ZRANB3: variants seen among roughly 807,000 people sequenced by gnomAD.
ZRANB3 encodes the protein DNA annealing helicase and endonuclease ZRANB3.
A neutral mutation model predicts 133.8 loss-of-function variants in ZRANB3; 125 were observed. The observed-to-expected ratio is 0.93, with a 90% CI of 0.81 to 1.08. ZRANB3 has a LOEUF of 1.08. Among genes scored for constraint, ZRANB3 ranks in the 50% least tolerant of loss-of-function variants. ZRANB3 has a pLI of 0.00. For missense variants in ZRANB3, 1,229 were observed against 1,275.5 expected, an observed-to-expected ratio of 0.96 and a Z score of 0.56; for synonymous variants, 387 against 432.7, an observed-to-expected ratio of 0.89 and a Z score of 1.31.
At chr2:135,374,565 A>G (rs1686333098) in intron 3 of ZRANB3, among the ~76,000 whole-genome samples, 1 of 148,508 alleles carries the variant, frequency 6.7e-6, no homozygotes, top group Non-Finnish European at 1.5e-5. Context: ...GCAATGGCGT[A>G]ATCATAGCTC....
In ZRANB3 at chr2:135,374,561, G is replaced by T. The variant is rs111918722; in HGVS notation, c.180+16241C>A. Among the ~76,000 whole-genome samples the T allele has an allele frequency of 1.0e-3, 155 of 150,984 alleles. 2 individuals are homozygous for T. Among genetic ancestry groups the T allele is most frequent in the African/African-American group, 3.7e-3 (150 of 41,068 alleles). On this transcript the variant is annotated intron_variant, in intron 3 of 20. Transcript: ENST00000264159. ...TTGTTGTCCAGGCTGGAGTGCAATG[G>T]CGTAATCATAGCTCACAGCAATCTC...
At chr2:135,359,754 T>C (rs900398649) in intron 3 of ZRANB3, among the ~76,000 whole-genome samples, 10 of 152,198 alleles carry the variant, frequency 6.6e-5, no homozygotes, top group Non-Finnish European at 1.0e-4. Context: ...TCTTTCCTGG[T>C]AAGAACCCCC....
intron 8 of ZRANB3, among the ~76,000 whole-genome samples, chr2:135,307,525 T>G (rs1404523450): frequency 2.6e-5 from 4 of 152,266 alleles, no homozygotes; most frequent in African/African-American, 9.6e-5. Context: ...TTTGATGCTT[T>G]AACATATTAT....
chr2:135,262,997 T>C (rs1680037291), intron 12 of ZRANB3, among the ~76,000 whole-genome samples: 1 of 152,100 alleles, frequency 6.6e-6, no homozygotes, highest in South Asian at 2.1e-4. Flanking sequence ...ATATCCACCA[T>C]TCAAAATTTA....
At position 135,198,589 on chromosome 2, in the gene ZRANB3, G is replaced by A. The variant is rs1693494917; in HGVS notation, c.*1753C>T. The A allele has an allele frequency of 6.6e-6, 1 of 152,184 alleles. No homozygotes were observed. Among genetic ancestry groups the A allele is most frequent in the Non-Finnish European group, 1.5e-5 (1 of 68,048 alleles). 9.4% of individuals were successfully genotyped at this position (152,184 alleles called of 1,614,324 possible). On this transcript the variant is annotated 3_prime_UTR_variant, in exon 21 of 21. Coordinates refer to ENST00000264159, the MANE Select transcript of ZRANB3 (RefSeq NM_032143.4). ...AATTATCACCTTAGTGTGATCTGAA[G>A]AGCAAGTTCCCCTCAAATTTGACCT...
At chr2:135,450,493 A>G (rs1690220312) in intron 2 of ZRANB3, among the ~76,000 whole-genome samples, 1 of 152,140 alleles carries the variant, frequency 6.6e-6, no homozygotes, top group South Asian at 2.1e-4. Flanking sequence ...CTAGTAGTAG[A>G]AGACCCGGCA....
intron 12 of ZRANB3, among the ~76,000 whole-genome samples, chr2:135,251,420 G>A (rs1351861717): frequency 1.3e-5 from 2 of 152,128 alleles, no homozygotes; most frequent in African/African-American, 2.4e-5. Flanking sequence ...TGAAATGTAA[G>A]GACATGAGAT....
intron 3 of ZRANB3, among the ~76,000 whole-genome samples, chr2:135,384,434 A>C (rs972775614): frequency 6.6e-6 from 1 of 152,212 alleles, no homozygotes; most frequent in African/African-American, 2.4e-5. Context: ...AGCTGGTACC[A>C]TTCCTTCTGA....
At chr2:135,285,278 C>A (rs1681300377) in intron 8 of ZRANB3, among the ~76,000 whole-genome samples, 1 of 152,216 alleles carries the variant, frequency 6.6e-6, no homozygotes, top group Non-Finnish European at 1.5e-5. Context: ...TTCCTCCATG[C>A]CACATCTCCA....
At chr2:135,399,871 A>G (rs1687659277) in intron 2 of ZRANB3, among the ~76,000 whole-genome samples, 1 of 152,210 alleles carries the variant, frequency 6.6e-6, no homozygotes, top group African/African-American at 2.4e-5. Flanking sequence ...TTCAGTGTAT[A>G]AGGCCTAATT....
chr2:135,279,805 T>TA (rs1436003674), intron 8 of ZRANB3, among the ~76,000 whole-genome samples: 8 of 152,232 alleles, frequency 5.3e-5, no homozygotes, highest in Admixed American at 5.2e-4. Context: ...CATAACTGAC[T>TA]AAATAGGCTC....
chr2:135,476,288 A>T (rs573699147), intron 2 of ZRANB3, among the ~76,000 whole-genome samples: 1 of 152,346 alleles, frequency 6.6e-6, no homozygotes, highest in South Asian at 2.1e-4. Flanking sequence ...TAGCTGTGAT[A>T]AATAACATTG....
intron 6 of ZRANB3, among the ~76,000 whole-genome samples, chr2:135,337,670 A>T (rs776630294): frequency 2.0e-5 from 3 of 152,216 alleles, no homozygotes; most frequent in Non-Finnish European, 4.4e-5. Flanking sequence ...TGATGTTAGC[A>T]AATTAATTAT....
chr2:135,477,385 C>A (rs1368620563), intron 2 of ZRANB3, among the ~76,000 whole-genome samples: 3 of 152,170 alleles, frequency 2.0e-5, no homozygotes, highest in Non-Finnish European at 4.4e-5. Context: ...CCTTGACAAC[C>A]AGCTTCTAAT....
intron 14 of ZRANB3, among the ~76,000 whole-genome samples, chr2:135,226,649 C>T (rs1254008690): frequency 6.6e-6 from 1 of 152,184 alleles, no homozygotes; most frequent in Admixed American, 6.5e-5. Context: ...GATCAATGTA[C>T]AACTAACAAG....
intron 2 of ZRANB3, among the ~76,000 whole-genome samples, chr2:135,428,686 T>A (rs1483545049): frequency 6.6e-6 from 1 of 152,188 alleles, no homozygotes; most frequent in Non-Finnish European, 1.5e-5. Context: ...TTTTTAACTT[T>A]GCCATTTAAC....
intron 13 of ZRANB3, chr2:135,228,312 G>GT (rs58948947): frequency 0.12 from 17,719 of 150,478 alleles, 652 homozygotes; most frequent in African/African-American, 0.18. Context: ...ACTAAGTTTT[G>GT]TTTTTTTTTT....
intron 2 of ZRANB3, among the ~76,000 whole-genome samples, chr2:135,492,909 A>C (rs1692456807): frequency 1.3e-5 from 2 of 151,664 alleles, no homozygotes; most frequent in African/African-American, 4.8e-5. Flanking sequence ...ATCCAGTGGC[A>C]AAAGGAAACA....
Position 135,219,121 on chromosome 2 carries a change from C to A in ZRANB3, c.2308G>T (p.Glu770Ter). The part of the protein sequence containing the change: ...IPLDIKLDLW[E>*]DLPASFQLKQ... ...AGCTGAAAGCTTGCTGGTAAATCTT[C>A]CCAAAGGTCTAATTTTATATCCAGA... The change falls in exon 16 of 21, where the codon GAA (glutamate) becomes TAA (stop). Residue 770 changes from glutamate to a stop codon, truncating the protein, a stop_gained. Transcript: ENST00000264159. LOFTEE classifies it high-confidence loss of function. 1 of 1,535,830 alleles carries A rather than the reference C, an allele frequency of 6.5e-7. No homozygotes were observed. The highest frequency in any genetic ancestry group is 2.4e-5 in the East Asian group (1 of 41,434).
Sources: gnomAD v4.1 joint callset for allele counts (sites outside exome capture counted in the v4.1 genomes callset) on GRCh38, gnomAD v4.1.1 for gene constraint, MANE v1.5 for transcripts, NCBI Gene and HGNC (gene_info 2026-07-23, HGNC 2026-07-21) for gene names.